The following ADGRV1 variants were observed in gnomAD, a reference collection of about 807,000 sequenced individuals.
The protein encoded by ADGRV1 is adhesion G protein-coupled receptor V1.
ADGRV1 carries 359 observed loss-of-function variants against 596.2 expected under a neutral mutation model. The ratio of observed to expected loss-of-function variants is 0.60; its 90% CI spans 0.55 to 0.66. The LOEUF (loss-of-function observed/expected upper bound fraction) is 0.66, where lower values mean the gene tolerates loss of function less well. ADGRV1 is among the 30% of genes least tolerant of loss of function. The probability of loss-of-function intolerance (pLI) is 0.00; values close to 1 mark genes in which losing one functional copy is unlikely to be tolerated. For missense variants in ADGRV1, 7,274 were observed against 7,575.6 expected, an observed-to-expected ratio of 0.96 and a Z score of 1.48; for synonymous variants, 2,681 against 2,679.2, an observed-to-expected ratio of 1.00 and a Z score of -0.02.
intron 82 of ADGRV1, among the ~76,000 whole-genome samples, chr5:90,859,787 C>A: frequency 6.6e-6 from 1 of 151,978 alleles, no homozygotes; most frequent in East Asian, 1.9e-4. Flanking sequence ...ATTTTTAAGT[C>A]TATTTCATTT....
intron 1 of ADGRV1, among the ~76,000 whole-genome samples, chr5:90,567,562 G>T (rs909896017): frequency 1.3e-5 from 2 of 151,674 alleles, no homozygotes; most frequent in Non-Finnish European, 2.9e-5. Context: ...CTAGGGATTT[G>T]TTTACTTCTA....
At chr5:91,000,860 G>A (rs573710889) in intron 85 of ADGRV1, among the ~76,000 whole-genome samples, 1 of 152,194 alleles carries the variant, frequency 6.6e-6, no homozygotes, top group South Asian at 2.1e-4. Flanking sequence ...CAGTTTGAAG[G>A]CTATTGGGCA....
chr5:91,138,772 C>CT (rs34573065), intron 87 of ADGRV1, among the ~76,000 whole-genome samples: 16,221 of 138,218 alleles, frequency 0.12, 931 homozygotes, highest in Middle Eastern at 0.2. Context: ...TATTGGTAAA[C>CT]TTTTTTTTTT....
At chr5:90,681,189 A>G (rs1205256660) in intron 26 of ADGRV1, 126 bp from the exon 27 acceptor site, 2 of 1,021,616 alleles carry the variant, frequency 2.0e-6, no homozygotes, top group Non-Finnish European at 2.8e-6. Flanking sequence ...TCTTTCTAAA[A>G]CAAATTAGAA....
intron 57 of ADGRV1, 30 bp from the exon 58 acceptor site, chr5:90,759,375 CCTCT>C (rs768376870): frequency 5.8e-6 from 8 of 1,382,218 alleles, no homozygotes; most frequent in African/African-American, 2.9e-5. Context: ...TCTTTTCCTC[CCTCT>C]CTTTCTCCCT....
At chr5:90,924,971 G>A (rs1444828007) in intron 83 of ADGRV1, among the ~76,000 whole-genome samples, 1 of 150,850 alleles carries the variant, frequency 6.6e-6, no homozygotes, top group Admixed American at 6.6e-5. Context: ...TGAGGGCTCT[G>A]TTCTGTTCCA....
intron 84 of ADGRV1, among the ~76,000 whole-genome samples, chr5:90,976,322 G>GTGTGTGTGTATA (rs1420288881): frequency 2.8e-5 from 3 of 108,618 alleles, no homozygotes; most frequent in African/African-American, 1.1e-4. Flanking sequence ...GTGTGTGTGT[G>GTGTGTGTGTATA]TATATATATA....
At chr5:90,893,308 TGAAA>T (rs1771000899) in intron 83 of ADGRV1, among the ~76,000 whole-genome samples, 2 of 152,270 alleles carry the variant, frequency 1.3e-5, no homozygotes, top group South Asian at 4.2e-4. Context: ...TTGAATACTA[TGAAA>T]GAGAGAATGA....
At chr5:90,728,632 AG>A in intron 48 of ADGRV1, 36 bp from the exon 49 acceptor site, 1 of 1,553,792 alleles carries the variant, frequency 6.4e-7, no homozygotes, top group Non-Finnish European at 8.7e-7. Flanking sequence ...CTAAATTCCT[AG>A]TCATAAAGGG....
chr5:91,106,395 G>A (rs779871169), intron 87 of ADGRV1, among the ~76,000 whole-genome samples: 3 of 152,088 alleles, frequency 2.0e-5, no homozygotes, highest in Non-Finnish European at 4.4e-5. Context: ...AATTCTGATA[G>A]TACAATGCCT....
rs372175298 is a variant in ADGRV1, at chr5:90,560,642, A to G, written c.22+1725A>G. ...TAATCTTGGACTACTATAAGAGTCTATAATGGGGCAAAGGTAAATTATGTA... is the reference window on the plus strand; with the variant it reads ...TAATCTTGGACTACTATAAGAGTCTGTAATGGGGCAAAGGTAAATTATGTA... On this transcript the variant is annotated intron_variant, in intron 1 of 89. Transcript: ENST00000405460. 3.3e-5 allele frequency among the ~76,000 whole-genome samples: 5 copies of G among 152,270 alleles called. No individual in the cohort carries two copies. In the East Asian group the frequency reaches 7.7e-4, roughly 23 times the overall value.
intron 27 of ADGRV1, among the ~76,000 whole-genome samples, chr5:90,682,551 G>A (rs72782754): frequency 0.018 from 2,707 of 152,322 alleles, 31 homozygotes; most frequent in Non-Finnish European, 0.029. Flanking sequence ...ACAGGAGCTA[G>A]CTGCTTGCTC....
chr5:90,644,863 A>G lies in ADGRV1; in HGVS notation c.2892A>G (p.Pro964=). 1.9e-6 allele frequency: 3 copies of G among 1,592,024 alleles called. No homozygotes were observed. Among genetic ancestry groups the G allele is most frequent in the African/African-American group, 1.3e-5 (1 of 74,172 alleles). Residue 964 remains proline, a synonymous_variant, in exon 15 of 90, where the codon CCA becomes CCG. Transcript: ENST00000405460. ...AAAATATCACCATTTACTCCCTTCCAGATGAGGTAAATATTGCATATAACT... is the reference window on the plus strand; with the variant it reads ...AAAATATCACCATTTACTCCCTTCCGGATGAGGTAAATATTGCATATAACT... ...FSKNITIYSL[P]DEIPEEMEEF...
chr5:91,053,577 T>C (rs1786545591), intron 85 of ADGRV1, among the ~76,000 whole-genome samples: 1 of 152,256 alleles, frequency 6.6e-6, no homozygotes, highest in African/African-American at 2.4e-5. Context: ...TTTGCCATTG[T>C]CCAGAAAGAG....
In ADGRV1 at chr5:90,728,868, CAGAAGTTG is replaced by C. The variant is rs749264377; in HGVS notation, c.10364_10371del (p.Glu3455GlyfsTer7). The C allele has an allele frequency of 6.2e-7, 1 of 1,613,546 alleles. No individual in the cohort carries two copies. Among genetic ancestry groups the C allele is most frequent in the Non-Finnish European group, 8.5e-7 (1 of 1,179,710 alleles). On this transcript the variant is annotated frameshift_variant, in exon 49 of 90. Coordinates refer to ENST00000405460, the MANE Select transcript of ADGRV1 (RefSeq NM_032119.4). LOFTEE classifies it high-confidence loss of function. ...CAAGAGGTGCCTGTCAGTGGGACAA[CAGAAGTTG>C]AGGCTTTGTCTTCAGCCAATGATAT...
At chr5:90,998,408 A>G (rs867181492) in intron 85 of ADGRV1, among the ~76,000 whole-genome samples, 5 of 152,246 alleles carry the variant, frequency 3.3e-5, no homozygotes, top group Middle Eastern at 3.4e-3. Flanking sequence ...AAAAGTAAAT[A>G]AAAAGTTTGC....
chr5:90,853,130 C>A (rs935647763), intron 79 of ADGRV1, among the ~76,000 whole-genome samples, 154 bp from the exon 80 acceptor site: 13 of 152,160 alleles, frequency 8.5e-5, no homozygotes, highest in African/African-American at 3.1e-4. Flanking sequence ...CACAAAAGAA[C>A]TGAAGGCACA....
At chr5:91,052,776 C>A (rs1321136694) in intron 85 of ADGRV1, among the ~76,000 whole-genome samples, 1 of 152,066 alleles carries the variant, frequency 6.6e-6, no homozygotes, top group African/African-American at 2.4e-5. Context: ...TTAAAGATGT[C>A]TATGTCACAG....
rs1443867093 is a variant in ADGRV1, at chr5:90,676,188, T to C, written c.5422T>C (p.Leu1808=). 5 of 1,605,378 alleles carry C rather than the reference T, an allele frequency of 3.1e-6. No homozygotes were observed. The African/African-American group carries it at 6.7e-5, about 22-fold the overall frequency. ...ACTGGAAAAATCTTTTAAAGTTGAG[T>C]TGTTAAACTTGGAAGGAGGAGGTAA... ...PELEKSFKVE[L]LNLEGGVAEL... is the part of the protein sequence containing the mutation. Residue 1808 remains leucine (L), a synonymous_variant, in exon 25 of 90, where the codon TTG becomes CTG. Coordinates refer to ENST00000405460, the MANE Select transcript of ADGRV1 (RefSeq NM_032119.4).
Sources: allele counts gnomAD v4.1 joint callset (sites outside exome capture counted in the v4.1 genomes callset), GRCh38; gene constraint gnomAD v4.1.1; transcripts MANE v1.5; gene names NCBI Gene and HGNC (gene_info 2026-07-23, HGNC 2026-07-21).